Variants in OSBPL1A observed in about 807,000 individuals in gnomAD.
OSBPL1A encodes oxysterol binding protein like 1A.
A neutral mutation model predicts 137.1 loss-of-function variants in OSBPL1A; 80 were observed. The ratio of observed to expected loss-of-function variants is 0.58; its 90% CI spans 0.49 to 0.70. OSBPL1A has a LOEUF of 0.70. OSBPL1A is among the 30% of genes least tolerant of loss of function. The pLI is 0.00. For missense variants in OSBPL1A, 970 were observed against 1,129.4 expected (o/e 0.86, Z 2.02); for synonymous variants, 365 against 389.7 (o/e 0.94, Z 0.75).
At chr18:24,392,669 G>A (rs1057115198) in intron 1 of OSBPL1A, among the ~76,000 whole-genome samples, 1 of 152,198 alleles carries the variant, frequency 6.6e-6, no homozygotes, top group East Asian at 1.9e-4. Context: ...AACCAGTACC[G>A]TGCTTAGCCC....
intron 5 of OSBPL1A, among the ~76,000 whole-genome samples, chr18:24,341,019 G>A (rs993487355): frequency 6.6e-6 from 1 of 152,018 alleles, no homozygotes; most frequent in Non-Finnish European, 1.5e-5. Flanking sequence ...TTTCGGCTGG[G>A]GGGTCTCACT....
intron 18 of OSBPL1A, among the ~76,000 whole-genome samples, chr18:24,181,757 C>A (rs1314708764): frequency 6.6e-6 from 1 of 152,178 alleles, no homozygotes; most frequent in Non-Finnish European, 1.5e-5. Context: ...CAATCAGAAA[C>A]TGCCAAACTA....
At chr18:24,296,539 G>A (rs978195534) in intron 14 of OSBPL1A, among the ~76,000 whole-genome samples, 28 of 152,052 alleles carry the variant, frequency 1.8e-4, no homozygotes, top group Admixed American at 3.9e-4. Flanking sequence ...CCAGTACTAC[G>A]TTGAATAGGA....
At chr18:24,288,290 T>C (rs1036755315) in intron 14 of OSBPL1A, among the ~76,000 whole-genome samples, 1 of 151,950 alleles carries the variant, frequency 6.6e-6, no homozygotes, top group African/African-American at 2.4e-5. Context: ...AAGGAAGGAA[T>C]AGTTAAGAGA....
intron 15 of OSBPL1A, among the ~76,000 whole-genome samples, chr18:24,255,154 A>T (rs1488693242): frequency 6.6e-6 from 1 of 152,242 alleles, no homozygotes. Context: ...TGAACCATGA[A>T]GAAACTGAAA....
chr18:24,169,159 G>A (rs1404209025), intron 24 of OSBPL1A, among the ~76,000 whole-genome samples: 1 of 152,154 alleles, frequency 6.6e-6, no homozygotes, highest in Admixed American at 6.5e-5. Flanking sequence ...ACAGCTAAAG[G>A]GAAACAAAGA....
chr18:24,165,039 C>T (rs1320187768), intron 27 of OSBPL1A, 26 bp downstream of exon 27: 3 of 1,611,116 alleles, frequency 1.9e-6, no homozygotes, highest in Non-Finnish European at 2.5e-6. Context: ...GAGGGCTCAG[C>T]CACACCCCCT....
chr18:24,238,666 C>T (rs2088577636), intron 16 of OSBPL1A, among the ~76,000 whole-genome samples: 2 of 152,192 alleles, frequency 1.3e-5, no homozygotes, highest in Non-Finnish European at 2.9e-5. Context: ...GTGACAGAAG[C>T]TCTGGAGTCC....
At chr18:24,356,283 T>G (rs8090456) in intron 4 of OSBPL1A, among the ~76,000 whole-genome samples, 1,794 of 152,294 alleles carry the variant, frequency 0.012, 35 homozygotes, top group African/African-American at 0.042. Flanking sequence ...CAGGGAAAGA[T>G]TCTGCAACAC....
intron 22 of OSBPL1A, among the ~76,000 whole-genome samples, chr18:24,172,051 C>T (rs1411163935): frequency 3.3e-5 from 5 of 151,894 alleles, no homozygotes; most frequent in Admixed American, 3.3e-4. Context: ...AGCAATTCTC[C>T]TGCCTCAGCC....
At chr18:24,393,855 T>C (rs1242210301) in intron 1 of OSBPL1A, among the ~76,000 whole-genome samples, 1 of 152,240 alleles carries the variant, frequency 6.6e-6, no homozygotes, top group African/African-American at 2.4e-5. Context: ...ATCTGAATTA[T>C]GTTTTGAGTG....
chr18:24,361,996 CAAAAAAAAAA>C (rs200189504), intron 4 of OSBPL1A, among the ~76,000 whole-genome samples: 5 of 52,182 alleles, frequency 9.6e-5, no homozygotes, highest in South Asian at 8.1e-4. Flanking sequence ...GACTCCATCT[CAAAAAAAAAA>C]AAAAAAAAAA....
At chr18:24,313,710 G>A (rs2090667522) in intron 12 of OSBPL1A, among the ~76,000 whole-genome samples, 1 of 152,126 alleles carries the variant, frequency 6.6e-6, no homozygotes, top group Non-Finnish European at 1.5e-5. Context: ...TACATTCAGA[G>A]AATTAAAATT....
At chr18:24,175,137 C>CATATATATATATATATAT (rs57325245) in intron 21 of OSBPL1A, among the ~76,000 whole-genome samples, 20 of 51,758 alleles carry the variant, frequency 3.9e-4, no homozygotes, top group African/African-American at 1.5e-3. Flanking sequence ...TATATATATA[C>CATATATATATATATATAT]ACATATATAT....
chr18:24,204,558 CTT>C (rs34877962), intron 17 of OSBPL1A, among the ~76,000 whole-genome samples: 239 of 143,100 alleles, frequency 1.7e-3, no homozygotes, highest in Non-Finnish European at 1.8e-3. Context: ...AAAGCTGTTT[CTT>C]TTTTTTTTTT....
chr18:24,239,170 T>C (rs2088598022), intron 16 of OSBPL1A, 50 bp downstream of exon 16: 1 of 1,592,780 alleles, frequency 6.3e-7, no homozygotes, highest in Non-Finnish European at 8.6e-7. Context: ...CTCATTTAGG[T>C]GGTGGACTCT....
intron 4 of OSBPL1A, among the ~76,000 whole-genome samples, chr18:24,355,849 G>C (rs374646094): frequency 6.6e-6 from 1 of 152,016 alleles, no homozygotes; most frequent in South Asian, 2.1e-4. Flanking sequence ...GCCAGGCATG[G>C]TGGCATGCGC....
chr18:24,196,213 A>G lies in OSBPL1A; in HGVS notation c.1602-13T>C. On this transcript the variant is annotated splice_polypyrimidine_tract_variant and intron_variant, in intron 17 of 27. Transcript: ENST00000319481. Reference sequence around the variant, plus strand: ...AGGCAAACTTGTTCTGAAAAAAGAAAAGAAAAACATAAAGTTCATTCTAAT... The same window carrying G: ...AGGCAAACTTGTTCTGAAAAAAGAAGAGAAAAACATAAAGTTCATTCTAAT... 6.3e-7 allele frequency: 1 copy of G among 1,586,784 alleles called. No individual in the cohort carries two copies. The highest frequency in any genetic ancestry group is 8.6e-7 in the Non-Finnish European group (1 of 1,162,042).
intron 14 of OSBPL1A, among the ~76,000 whole-genome samples, chr18:24,303,289 C>T (rs558084155): frequency 1.1e-4 from 17 of 152,244 alleles, no homozygotes; most frequent in Non-Finnish European, 1.6e-4. Flanking sequence ...GCATGAGCCA[C>T]TGCGCCAGGC....
Sources: allele counts gnomAD v4.1 joint callset (sites outside exome capture counted in the v4.1 genomes callset), GRCh38; gene constraint gnomAD v4.1.1; transcripts MANE v1.5; gene names NCBI Gene and HGNC (gene_info 2026-07-23, HGNC 2026-07-21).